Variants in ETS1 observed in about 807,000 individuals in gnomAD.
ETS1 encodes the protein protein C-ets-1.
ETS1 carries 15 observed loss-of-function variants against 58.6 expected under a neutral mutation model. The observed-to-expected ratio is 0.26, with a 90% CI of 0.17 to 0.39. The LOEUF (loss-of-function observed/expected upper bound fraction) is 0.39. Among genes scored for constraint, ETS1 ranks in the 10% least tolerant of loss-of-function variants. The pLI is 1.00. For synonymous variants in ETS1, 214 were observed against 218.2 expected, an observed-to-expected ratio of 0.98 and a Z score of 0.17; for missense variants, 417 against 610.5, an observed-to-expected ratio of 0.68 and a Z score of 3.34.
At chr11:128,538,566 C>T (rs1352115098) in intron 3 of ETS1, among the ~76,000 whole-genome samples, 2 of 152,150 alleles carry the variant, frequency 1.3e-5, no homozygotes, top group African/African-American at 4.8e-5. Context: ...CAAGTTATTT[C>T]AACTACATAA....
At chr11:128,575,165 A>G (rs2135584938) in intron 1 of ETS1, among the ~76,000 whole-genome samples, 1 of 152,334 alleles carries the variant, frequency 6.6e-6, no homozygotes, top group East Asian at 1.9e-4. Flanking sequence ...AACCCCATAC[A>G]TACTATGTGT....
chr11:128,487,310 C>A (rs919575460), intron 5 of ETS1, among the ~76,000 whole-genome samples: 6 of 152,216 alleles, frequency 3.9e-5, no homozygotes, highest in Non-Finnish European at 8.8e-5. Flanking sequence ...GACTTATATC[C>A]TAATTCTCTT....
rs191290191 is a variant in ETS1 at position 128,470,535 on chromosome 11, T to C, written c.1124-6908A>G. ...TCCTTATTACAAAAATCTGCATATA[T>C]ACATATATATAGACAGAGAGAGAGA... On this transcript the variant is annotated intron_variant, in intron 8 of 9. Coordinates refer to ENST00000392668, the MANE Select transcript of ETS1 (RefSeq NM_001143820.2). Among the ~76,000 whole-genome samples, 252 of 152,242 alleles carry C rather than the reference T, an allele frequency of 1.7e-3. 1 individual carries two copies. The highest frequency in any genetic ancestry group is 2.7e-3 in the Non-Finnish European group (183 of 68,012).
intron 9 of ETS1, among the ~76,000 whole-genome samples, chr11:128,462,999 T>G (rs1295497106): frequency 6.6e-6 from 1 of 152,062 alleles, no homozygotes; most frequent in Non-Finnish European, 1.5e-5. Context: ...ACAGGAAGTG[T>G]TTTTTTTCCA....
intron 1 of ETS1, among the ~76,000 whole-genome samples, chr11:128,584,190 A>C (rs528773224): frequency 6.6e-6 from 1 of 152,200 alleles, no homozygotes; most frequent in East Asian, 1.9e-4. Context: ...GTCTTTCTTC[A>C]AAGTCAGTAT....
At chr11:128,574,612 C>A (rs1464728996) in intron 1 of ETS1, among the ~76,000 whole-genome samples, 3 of 152,096 alleles carry the variant, frequency 2.0e-5, no homozygotes, top group Non-Finnish European at 4.4e-5. Context: ...TGACTCTGTA[C>A]CAGGCACTGA....
intron 1 of ETS1, among the ~76,000 whole-genome samples, chr11:128,583,317 G>A (rs571906443): frequency 8.5e-5 from 13 of 152,324 alleles, no homozygotes; most frequent in African/African-American, 3.1e-4. Context: ...GGGGAGAATT[G>A]AGTAGCTCAG....
intron 3 of ETS1, among the ~76,000 whole-genome samples, chr11:128,501,772 C>A (rs557356301): frequency 1.3e-5 from 2 of 152,344 alleles, no homozygotes; most frequent in South Asian, 4.1e-4. Flanking sequence ...ATCATTAGAT[C>A]CACATATCTT....
rs141358324 is a variant in ETS1 at position 128,585,209 on chromosome 11, A to G, written c.-15+2279T>C. The stretch of plus-strand genomic sequence containing the variant: ...AAGAAGGAAGGAAAGAAAGAAAGAA[A>G]GAAAGAAAGAAAGAAAGAAAGAAAG... On this transcript the variant is annotated intron_variant, in intron 1 of 9. Transcript: ENST00000392668. Among the ~76,000 whole-genome samples, 280 of 133,972 alleles carry G rather than the reference A, an allele frequency of 2.1e-3. 10 individuals carry two copies. Among genetic ancestry groups the G allele is most frequent in the East Asian group, 0.011 (44 of 4,106 alleles). 87.9% of individuals were successfully genotyped at this position (133,972 alleles called of 152,430 possible).
intron 1 of ETS1, among the ~76,000 whole-genome samples, chr11:128,576,805 A>G (rs535410683): frequency 9.3e-5 from 14 of 151,326 alleles, no homozygotes; most frequent in African/African-American, 2.9e-4. Flanking sequence ...TGCCCTTCTC[A>G]TGTTACCCCC....
At chr11:128,468,303 C>G (rs1862093699) in intron 8 of ETS1, among the ~76,000 whole-genome samples, 1 of 152,204 alleles carries the variant, frequency 6.6e-6, no homozygotes, top group South Asian at 2.1e-4. Flanking sequence ...CAATGAGGAG[C>G]TGGTTATTAA....
chr11:128,558,141 A>T (rs1435904452), intron 2 of ETS1, among the ~76,000 whole-genome samples: 1 of 152,198 alleles, frequency 6.6e-6, no homozygotes, highest in Non-Finnish European at 1.5e-5. Flanking sequence ...TTATCTTCCA[A>T]CTGCATTAAA....
At chr11:128,555,518 T>C (rs1864298470) in intron 3 of ETS1, among the ~76,000 whole-genome samples, 1 of 152,204 alleles carries the variant, frequency 6.6e-6, no homozygotes, top group Non-Finnish European at 1.5e-5. Context: ...TATTCAAATA[T>C]GTTATCATAA....
At chr11:128,494,776 G>C (rs1179244300) in intron 3 of ETS1, among the ~76,000 whole-genome samples, 1 of 152,170 alleles carries the variant, frequency 6.6e-6, no homozygotes, top group Non-Finnish European at 1.5e-5. Flanking sequence ...CTGACCTCAC[G>C]AGTTTATGCT....
intron 3 of ETS1, chr11:128,522,076 G>GGGGGAA: frequency 7.2e-7 from 1 of 1,396,174 alleles, no homozygotes; most frequent in South Asian, 1.6e-5. Context: ...ATTAGTAACA[G>GGGGGAA]GGGGAAGGGG....
At chr11:128,525,678 G>C (rs1482460970) in intron 3 of ETS1, among the ~76,000 whole-genome samples, 1 of 147,046 alleles carries the variant, frequency 6.8e-6, no homozygotes, top group Non-Finnish European at 1.5e-5. Context: ...AGCTGCATTT[G>C]TGGTCTCATT....
chr11:128,547,085 C>A (rs1300211988), intron 3 of ETS1, among the ~76,000 whole-genome samples: 1 of 152,134 alleles, frequency 6.6e-6, no homozygotes, highest in East Asian at 1.9e-4. Flanking sequence ...GTCTCAGAGA[C>A]AATGGAATGG....
At chr11:128,538,597 T>G (rs1366597845) in intron 3 of ETS1, among the ~76,000 whole-genome samples, 1 of 152,240 alleles carries the variant, frequency 6.6e-6, no homozygotes, top group African/African-American at 2.4e-5. Flanking sequence ...CTGAAAAATT[T>G]ACTTGTCTGT....
At chr11:128,564,265 A>C (rs1207520003) in intron 2 of ETS1, among the ~76,000 whole-genome samples, 1 of 152,132 alleles carries the variant, frequency 6.6e-6, no homozygotes, top group African/African-American at 2.4e-5. Context: ...GGAACAGGCA[A>C]AATAGGAAAC....
Sources: gnomAD v4.1 joint callset for allele counts (sites outside exome capture counted in the v4.1 genomes callset) on GRCh38, gnomAD v4.1.1 for gene constraint, MANE v1.5 for transcripts, NCBI Gene and HGNC (gene_info 2026-07-23, HGNC 2026-07-21) for gene names.